The following NTM variants were observed in gnomAD, a reference collection of about 807,000 sequenced individuals.
NTM encodes IgLON family member 2.
A neutral mutation model predicts 42.1 loss-of-function variants in NTM; 13 were observed. That is an observed-to-expected ratio of 0.31 (90% CI 0.20 to 0.49). The LOEUF is 0.49. Among genes scored for constraint, NTM ranks in the 20% least tolerant of loss-of-function variants. The probability of loss-of-function intolerance (pLI) is 0.99; values close to 1 mark genes in which losing one functional copy is unlikely to be tolerated. For missense variants in NTM, 373 were observed against 452.8 expected, an observed-to-expected ratio of 0.82 and a Z score of 1.60; for synonymous variants, 187 against 179.2, an observed-to-expected ratio of 1.04 and a Z score of -0.35.
intron 1 of NTM, among the ~76,000 whole-genome samples, chr11:131,423,557 G>T (rs1027357292): frequency 1.3e-5 from 2 of 152,180 alleles, no homozygotes; most frequent in Non-Finnish European, 2.9e-5. Flanking sequence ...TGCTGTTGTT[G>T]CTGAGCTTCT....
Position 131,734,455 on chromosome 11 carries a change from T to A in NTM, c.83-177109T>A, listed in dbSNP as rs192802166. Reference sequence around the variant, plus strand: ...CCTGGTCTCCCTACCCCCATCCTTTTAACAAACATGGACCTAATAAGTGCT... The same window carrying A: ...CCTGGTCTCCCTACCCCCATCCTTTAAACAAACATGGACCTAATAAGTGCT... On this transcript the variant is annotated intron_variant, in intron 1 of 8. Transcript: ENST00000683400. Among the ~76,000 whole-genome samples, 338 of 152,264 alleles carry A rather than the reference T, an allele frequency of 2.2e-3. 2 individuals are homozygous for A. Among genetic ancestry groups the A allele is most frequent in the Middle Eastern group, 3.4e-3 (1 of 294 alleles).
chr11:131,689,428 C>G (rs2074372317), intron 1 of NTM, among the ~76,000 whole-genome samples: 1 of 152,216 alleles, frequency 6.6e-6, no homozygotes, highest in Non-Finnish European at 1.5e-5. Context: ...TCTTCTGATC[C>G]CAGCACAGGA....
At chr11:132,282,624 T>A (rs1324041992) in intron 4 of NTM, among the ~76,000 whole-genome samples, 1 of 152,154 alleles carries the variant, frequency 6.6e-6, no homozygotes, top group Non-Finnish European at 1.5e-5. Context: ...TCCAACCAGA[T>A]TAATTAATTA....
At chr11:132,084,440 C>A (rs1295068363) in intron 2 of NTM, among the ~76,000 whole-genome samples, 1 of 152,078 alleles carries the variant, frequency 6.6e-6, no homozygotes, top group Non-Finnish European at 1.5e-5. Context: ...TTTGTTAATT[C>A]TATGTACCTA....
chr11:131,872,308 G>A (rs138130958), intron 1 of NTM, among the ~76,000 whole-genome samples: 275 of 152,312 alleles, frequency 1.8e-3, no homozygotes, highest in Non-Finnish European at 3.2e-3. Flanking sequence ...GTGGGAAGTG[G>A]CAGAATGGTT....
chr11:131,915,626 C>G (rs549912), intron 2 of NTM, among the ~76,000 whole-genome samples: 1 of 151,990 alleles, frequency 6.6e-6, no homozygotes, highest in Non-Finnish European at 1.5e-5. Flanking sequence ...GCAGTGCTGA[C>G]AAAGACATAC....
chr11:131,558,012 C>T (rs2055687560), intron 1 of NTM, among the ~76,000 whole-genome samples: 1 of 152,196 alleles, frequency 6.6e-6, no homozygotes, highest in Admixed American at 6.5e-5. Flanking sequence ...CTTCCATTAA[C>T]ATGTTCTGTT....
Position 131,873,542 on chromosome 11 carries a change from A to G in NTM, c.83-38022A>G, listed in dbSNP as rs949030198. Among the ~76,000 whole-genome samples the G allele has an allele frequency of 3.4e-3, 170 of 50,556 alleles. 3 individuals are homozygous for G. Among genetic ancestry groups the G allele is most frequent in the East Asian group, 0.014 (9 of 638 alleles). 33.2% of individuals were successfully genotyped at this position (50,556 alleles called of 152,430 possible). A position where few individuals can be genotyped will look rare whatever the true frequency, so the allele number is the denominator to read the frequency against. On this transcript the variant is annotated intron_variant, in intron 1 of 8. Transcript: ENST00000683400. ...TTAAAGTGTGTGTGTGTGTGTGTATATATATACATATATATATACCGTATA... is the reference window on the plus strand; with the variant it reads ...TTAAAGTGTGTGTGTGTGTGTGTATGTATATACATATATATATACCGTATA...
At chr11:131,684,228 C>T (rs2695823) in intron 1 of NTM, among the ~76,000 whole-genome samples, 42,138 of 152,074 alleles carry the variant, frequency 0.28, 6,299 homozygotes, top group African/African-American at 0.37. Flanking sequence ...GCCTTCACCA[C>T]GAGGACGTCC....
At chr11:131,947,088 G>A (rs921133379) in intron 2 of NTM, among the ~76,000 whole-genome samples, 4 of 152,150 alleles carry the variant, frequency 2.6e-5, no homozygotes, top group Non-Finnish European at 4.4e-5. Flanking sequence ...GTGAGTAGTG[G>A]GGTGTTTCTA....
chr11:131,377,625 T>C (rs1310225233), intron 1 of NTM, among the ~76,000 whole-genome samples: 3 of 152,246 alleles, frequency 2.0e-5, no homozygotes, highest in Non-Finnish European at 4.4e-5. Context: ...AATGCATTAT[T>C]AACAAAAGGA....
intron 4 of NTM, among the ~76,000 whole-genome samples, chr11:132,303,024 G>C (rs1208443972): frequency 1.3e-5 from 2 of 152,194 alleles, no homozygotes; most frequent in Non-Finnish European, 2.9e-5. Context: ...ACTGCAGACA[G>C]ACTATGTACT....
intron 1 of NTM, among the ~76,000 whole-genome samples, chr11:131,907,526 C>T (rs2054037956): frequency 6.6e-6 from 1 of 152,094 alleles, no homozygotes; most frequent in Non-Finnish European, 1.5e-5. Context: ...AAGGCATTGT[C>T]CTATAGATAT....
chr11:131,671,331 G>A lies in NTM; in HGVS notation c.83-240233G>A, dbSNP rs775098601. 238 of 721,674 alleles carry A rather than the reference G, an allele frequency of 3.3e-4. 1 individual carries two copies. The highest frequency in any genetic ancestry group is 2.8e-3 in the African/African-American group (147 of 52,128). The allele number at this position is 721,674 out of a possible 1,614,324, so 44.7% of individuals were successfully genotyped here. Reference sequence around the variant, plus strand: ...TCTGGCGTCTATACTCATCCTCCCCGCCCAACCCCATCACTGCACACTTTA... The same window carrying A: ...TCTGGCGTCTATACTCATCCTCCCCACCCAACCCCATCACTGCACACTTTA... On this transcript the variant is annotated intron_variant, in intron 1 of 8. Transcript: ENST00000683400.
At chr11:132,100,214 T>TC (rs1323117252) in intron 2 of NTM, among the ~76,000 whole-genome samples, 1 of 152,266 alleles carries the variant, frequency 6.6e-6, no homozygotes, top group Admixed American at 6.5e-5. Flanking sequence ...CACCCATGTG[T>TC]CCCATGGCAG....
chr11:131,886,808 T>A (rs2050479567), intron 1 of NTM, among the ~76,000 whole-genome samples: 1 of 152,214 alleles, frequency 6.6e-6, no homozygotes. Flanking sequence ...GGACGCTGTG[T>A]CTCCATACAT....
At chr11:131,574,900 C>T (rs1406663668) in intron 1 of NTM, among the ~76,000 whole-genome samples, 2 of 152,112 alleles carry the variant, frequency 1.3e-5, no homozygotes, top group Admixed American at 6.5e-5. Flanking sequence ...ACCTTTGGGG[C>T]TATTTGAATA....
chr11:132,114,505 C>T (rs2063621160), intron 2 of NTM, among the ~76,000 whole-genome samples: 1 of 152,200 alleles, frequency 6.6e-6, no homozygotes, highest in Non-Finnish European at 1.5e-5. Flanking sequence ...AAAAACCCTG[C>T]TCTCCCCAAC....
intron 3 of NTM, among the ~76,000 whole-genome samples, chr11:132,204,507 A>G (rs1193314772): frequency 6.6e-6 from 1 of 152,156 alleles, no homozygotes; most frequent in Non-Finnish European, 1.5e-5. Flanking sequence ...CTCTTGTAGA[A>G]AGGGGGTTTG....
Sources: gnomAD v4.1 joint callset for allele counts (sites outside exome capture counted in the v4.1 genomes callset) on GRCh38, gnomAD v4.1.1 for gene constraint, MANE v1.5 for transcripts, NCBI Gene and HGNC (gene_info 2026-07-23, HGNC 2026-07-21) for gene names.